The following CABIN1 variants were observed in gnomAD, a reference collection of about 807,000 sequenced individuals.
CABIN1 encodes calcineurin-binding protein cabin-1.
CABIN1 carries 133 observed loss-of-function variants against 227.7 expected under a neutral mutation model. That is an observed-to-expected ratio of 0.58 (90% CI 0.51 to 0.67). CABIN1 has a LOEUF of 0.67. Ranked by LOEUF, CABIN1 falls within the 30% of genes least tolerant of loss-of-function variation. CABIN1 has a pLI of 0.00. For synonymous variants in CABIN1, 1,086 were observed against 1,155.1 expected (o/e 0.94, Z 1.21); for missense variants, 2,408 against 2,852.5 (o/e 0.84, Z 3.55).
intron 29 of CABIN1, among the ~76,000 whole-genome samples, chr22:24,152,778 C>T (rs2045559232): frequency 6.6e-6 from 1 of 152,082 alleles, no homozygotes; most frequent in South Asian, 2.1e-4. Flanking sequence ...GGTGAGACCC[C>T]ATCTCTACTA....
intron 1 of CABIN1, among the ~76,000 whole-genome samples, chr22:24,016,424 T>C (rs1435835187): frequency 6.6e-6 from 1 of 152,256 alleles, no homozygotes; most frequent in East Asian, 1.9e-4. Flanking sequence ...TGCATTATTT[T>C]GAATTATGTT....
intron 1 of CABIN1, among the ~76,000 whole-genome samples, chr22:24,015,270 CAAAAAAAAAAAAAAAA>C (rs1199906542): frequency 5.9e-5 from 3 of 50,690 alleles, no homozygotes; most frequent in Non-Finnish European, 1.0e-4. Flanking sequence ...AATCCATCTC[CAAAAAAAAAAAAAAAA>C]AAAAAAAAGA....
chr22:24,162,161 G>C (rs1233236100), intron 29 of CABIN1: 1 of 152,280 alleles, frequency 6.6e-6, no homozygotes, highest in Admixed American at 6.5e-5. Context: ...CTTCAGACCA[G>C]CTTTCTCTGG....
intron 26 of CABIN1, among the ~76,000 whole-genome samples, chr22:24,112,935 G>A (rs1487998969): frequency 3.3e-5 from 5 of 152,074 alleles, no homozygotes; most frequent in African/African-American, 1.2e-4. Flanking sequence ...TCCCAGGAAG[G>A]TTTCCTCAAC....
rs991275113 is a variant in CABIN1, at chr22:24,083,737, G to C, written c.2910+348G>C. On this transcript the variant is annotated intron_variant, in intron 20 of 36. Coordinates refer to ENST00000263119, the MANE Select transcript of CABIN1 (RefSeq NM_012295.4). ...GTGATTGCATCTGTGAATAGCCCTGGGTGGCAGAGCAAGGCCCCATCTCTA... is the reference window on the plus strand; with the variant it reads ...GTGATTGCATCTGTGAATAGCCCTGCGTGGCAGAGCAAGGCCCCATCTCTA... Among the ~76,000 whole-genome samples, 9 of 152,110 alleles carry C rather than the reference G, an allele frequency of 5.9e-5. No individual in the cohort carries two copies. The South Asian group carries it at 1.5e-3, about 25-fold the overall frequency.
intron 28 of CABIN1, among the ~76,000 whole-genome samples, chr22:24,130,290 C>T (rs945191142): frequency 5.9e-5 from 9 of 152,190 alleles, no homozygotes; most frequent in African/African-American, 1.4e-4. Context: ...GCACACAGCA[C>T]ATGCCCAGGC....
At chr22:24,162,703 G>A (rs2046227209) in intron 29 of CABIN1, among the ~76,000 whole-genome samples, 1 of 152,186 alleles carries the variant, frequency 6.6e-6, no homozygotes, top group African/African-American at 2.4e-5. Context: ...AGCGGGCGGC[G>A]GTGTCTATGG....
chr22:24,049,222 T>C lies in CABIN1; in HGVS notation c.656+2T>C. The C allele has an allele frequency of 6.2e-7, 1 of 1,613,364 alleles. No individual in the cohort carries two copies. The highest frequency in any genetic ancestry group is 1.1e-5 in the South Asian group (1 of 91,000). On this transcript the variant is annotated splice_donor_variant, in intron 7 of 36. Coordinates refer to ENST00000263119, the MANE Select transcript of CABIN1 (RefSeq NM_012295.4). LOFTEE classifies it high-confidence loss of function. ...CTCTCTCAGAATGTTCCTCAAATGG[T>C]AAGTCCTGCCTCTTCCCATGCCATG...
chr22:24,109,762 C>T (rs1012254245), intron 26 of CABIN1, among the ~76,000 whole-genome samples: 6 of 152,188 alleles, frequency 3.9e-5, no homozygotes, highest in Non-Finnish European at 8.8e-5. Context: ...ACTTAACTTG[C>T]TCATGGTCTC....
chr22:24,175,733 C>G (rs1243954863), intron 34 of CABIN1: 2 of 348,604 alleles, frequency 5.7e-6, no homozygotes, highest in Admixed American at 4.2e-5. Context: ...GACCTCGTTT[C>G]TGAATGCTGC....
At chr22:24,140,353 G>T (rs2044680916) in intron 29 of CABIN1, among the ~76,000 whole-genome samples, 1 of 152,182 alleles carries the variant, frequency 6.6e-6, no homozygotes, top group African/African-American at 2.4e-5. Flanking sequence ...GCATGTCTTG[G>T]GTCCCACTGT....
In CABIN1 at chr22:24,076,242, G is replaced by T. The variant is rs1433466562; in HGVS notation, c.2706G>T (p.Arg902Ser). Residue 902 changes from arginine (R) to serine (S), a missense_variant, in exon 19 of 37, where the codon AGG becomes AGT. Coordinates refer to ENST00000263119, the MANE Select transcript of CABIN1 (RefSeq NM_012295.4). Reference protein sequence around the residue: ...LNTAHEYLGRRSWCCNSDGAL... With the variant: ...LNTAHEYLGRSSWCCNSDGAL... The stretch of plus-strand genomic sequence containing the variant: ...CAGCCCACGAGTATTTGGGCAGAAG[G>T]TCCTGGTGCTGCAATTCAGATGGGG... 1 of 1,614,152 alleles carries T rather than the reference G, an allele frequency of 6.2e-7. No homozygotes were observed. The highest frequency in any genetic ancestry group is 8.5e-7 in the Non-Finnish European group (1 of 1,180,032).
chr22:24,110,869 A>ATTTTT (rs782713456), intron 26 of CABIN1, among the ~76,000 whole-genome samples: 20 of 149,124 alleles, frequency 1.3e-4, no homozygotes, highest in African/African-American at 4.9e-4. Flanking sequence ...CCTAGGTGTG[A>ATTTTT]TTTTTTTTTT....
chr22:24,066,601 C>A lies in CABIN1; in HGVS notation c.2038-386C>A, dbSNP rs1229531946. Among the ~76,000 whole-genome samples the A allele has an allele frequency of 3.3e-5, 5 of 152,202 alleles. No homozygotes were observed. The East Asian group carries it at 9.6e-4, about 29-fold the overall frequency. ...GTCAGGTCCTGCATGTAGCGTATGACAACCTCTGGTCCAGGCTTGCTGAGT... is the reference window on the plus strand; with the variant it reads ...GTCAGGTCCTGCATGTAGCGTATGAAAACCTCTGGTCCAGGCTTGCTGAGT... On this transcript the variant is annotated intron_variant, in intron 15 of 36. Coordinates refer to ENST00000263119, the MANE Select transcript of CABIN1 (RefSeq NM_012295.4).
chr22:24,016,148 T>G (rs1426412448), intron 1 of CABIN1, among the ~76,000 whole-genome samples: 2 of 152,208 alleles, frequency 1.3e-5, no homozygotes, highest in African/African-American at 4.8e-5. Context: ...AGCAGTTACT[T>G]CCCATCCTGT....
intron 4 of CABIN1, among the ~76,000 whole-genome samples, chr22:24,039,347 C>T (rs1300922278): frequency 6.6e-6 from 1 of 152,106 alleles, no homozygotes; most frequent in Non-Finnish European, 1.5e-5. Context: ...AGATAGAATA[C>T]TGAGTTTTAA....
chr22:24,025,691 T>C (rs2036035459), intron 1 of CABIN1, among the ~76,000 whole-genome samples: 1 of 152,212 alleles, frequency 6.6e-6, no homozygotes, highest in Admixed American at 6.5e-5. Context: ...TTTGCTTTGT[T>C]TGAGACAGGC....
Position 24,177,164 on chromosome 22 carries a change from C to T in CABIN1, c.6206-340C>T, listed in dbSNP as rs1367984235. On this transcript the variant is annotated intron_variant, in intron 35 of 36. Transcript: ENST00000263119. The surrounding 1 kb of genome is among the most constrained non-coding windows in gnomAD (Gnocchi z 4.4). ...GCATAGACACCAATAGGACATGCATCCTAGGATGGTTGTGGAAATACGACA... is the reference window on the plus strand; with the variant it reads ...GCATAGACACCAATAGGACATGCATTCTAGGATGGTTGTGGAAATACGACA... 1.3e-5 allele frequency among the ~76,000 whole-genome samples: 2 copies of T among 152,172 alleles called. No homozygotes were observed. The highest frequency in any genetic ancestry group is 2.9e-5 in the Non-Finnish European group (2 of 68,004).
Position 24,084,792 on chromosome 22 carries a change from C to A in CABIN1, c.3117+7C>A, listed in dbSNP as rs749740874. ...TGAGGGAACTTCAACTGAGGTGGGC[C>A]CACAACCTTGAGGACGTGGGGGACA... On this transcript the variant is annotated splice_region_variant and intron_variant, in intron 21 of 36. Coordinates refer to ENST00000263119, the MANE Select transcript of CABIN1 (RefSeq NM_012295.4). 6.2e-7 allele frequency: 1 copy of A among 1,613,918 alleles called. No homozygotes were observed. The highest frequency in any genetic ancestry group is 1.1e-5 in the South Asian group (1 of 91,074).
Sources: gnomAD v4.1 joint callset for allele counts (sites outside exome capture counted in the v4.1 genomes callset) on GRCh38, gnomAD v4.1.1 for gene constraint, Gnocchi (gnomAD v3.1) non-coding constraint, MANE v1.5 for transcripts, NCBI Gene and HGNC (gene_info 2026-07-23, HGNC 2026-07-21) for gene names.